Variants in LTBP1 observed in about 807,000 individuals in gnomAD.
LTBP1 encodes the protein latent transforming growth factor beta binding protein 1.
LTBP1 carries 129 observed loss-of-function variants against 207.6 expected under a neutral mutation model. That is an observed-to-expected ratio of 0.62 (90% CI 0.54 to 0.72). The LOEUF (loss-of-function observed/expected upper bound fraction) is 0.72, where lower values mean the gene tolerates loss of function less well. Ranked by LOEUF, LTBP1 falls within the 30% of genes least tolerant of loss-of-function variation. The probability of loss-of-function intolerance (pLI) is 0.00; values close to 1 mark genes in which losing one functional copy is unlikely to be tolerated. For missense variants in LTBP1, 2,281 were observed against 2,217.2 expected (o/e 1.03, Z -0.58); for synonymous variants, 963 against 833.7 (o/e 1.16, Z -2.67).
At chr2:33,014,880 C>T (rs1416095652) in intron 2 of LTBP1, among the ~76,000 whole-genome samples, 1 of 151,950 alleles carries the variant, frequency 6.6e-6, no homozygotes, top group African/African-American at 2.4e-5. Context: ...AACCTGGTAG[C>T]CAGGATGGTG....
At chr2:33,113,903 T>A (rs2080563112) in intron 4 of LTBP1, among the ~76,000 whole-genome samples, 1 of 152,206 alleles carries the variant, frequency 6.6e-6, no homozygotes, top group South Asian at 2.1e-4. Context: ...TGCAGTGGCA[T>A]GATCTCAGCT....
intron 2 of LTBP1, among the ~76,000 whole-genome samples, chr2:32,996,049 A>G (rs183258191): frequency 1.4e-4 from 22 of 152,316 alleles, no homozygotes; most frequent in African/African-American, 5.1e-4. Context: ...ACGTATCGAT[A>G]TAGTTACCAA....
At chr2:33,211,398 G>A (rs2090299891) in intron 7 of LTBP1, among the ~76,000 whole-genome samples, 1 of 152,202 alleles carries the variant, frequency 6.6e-6, no homozygotes, top group Non-Finnish European at 1.5e-5. Context: ...ACATCCTACA[G>A]CTGCCCTTTT....
At chr2:33,027,697 C>A (rs1453687288) in intron 3 of LTBP1, among the ~76,000 whole-genome samples, 1 of 151,976 alleles carries the variant, frequency 6.6e-6, no homozygotes, top group Non-Finnish European at 1.5e-5. Flanking sequence ...ATTAGCGGGG[C>A]GTGGTGGCAT....
intron 4 of LTBP1, among the ~76,000 whole-genome samples, chr2:33,126,974 A>G (rs373671265): frequency 4.6e-5 from 7 of 152,274 alleles, no homozygotes; most frequent in African/African-American, 1.7e-4. Context: ...CATTGAATCC[A>G]TGAAACTTGA....
intron 9 of LTBP1, among the ~76,000 whole-genome samples, chr2:33,238,829 A>T (rs1167607467): frequency 6.6e-6 from 1 of 152,230 alleles, no homozygotes; most frequent in African/African-American, 2.4e-5. Context: ...AAATGTAAAG[A>T]ATCCTGATGA....
chr2:33,090,018 C>G (rs1194983638), intron 3 of LTBP1, among the ~76,000 whole-genome samples: 1 of 152,174 alleles, frequency 6.6e-6, no homozygotes, highest in Admixed American at 6.5e-5. Context: ...GAAATGAAAC[C>G]TAGTTGATGT....
chr2:33,372,822 CCA>C (rs1217244956), intron 31 of LTBP1, among the ~76,000 whole-genome samples: 1 of 152,122 alleles, frequency 6.6e-6, no homozygotes, highest in Non-Finnish European at 1.5e-5. Flanking sequence ...GAAGATCGTG[CCA>C]CTGCACTCTA....
intron 24 of LTBP1, among the ~76,000 whole-genome samples, chr2:33,317,377 C>T (rs958784749): frequency 2.0e-5 from 3 of 152,256 alleles, no homozygotes; most frequent in South Asian, 2.1e-4. Context: ...TAGAACTCTC[C>T]GTAATTATTA....
At chr2:33,281,345 G>A (rs924976871) in intron 19 of LTBP1, among the ~76,000 whole-genome samples, 7 of 152,158 alleles carry the variant, frequency 4.6e-5, no homozygotes, top group Non-Finnish European at 8.8e-5. Flanking sequence ...TGGTGAGGGG[G>A]TGGGAGGGAG....
At chr2:33,127,580 A>G (rs1419579513) in intron 4 of LTBP1, among the ~76,000 whole-genome samples, 1 of 152,172 alleles carries the variant, frequency 6.6e-6, no homozygotes, top group Non-Finnish European at 1.5e-5. Context: ...TCCAGTCCTA[A>G]AAAGAGAATC....
chr2:33,375,405 C>T (rs905891962), intron 31 of LTBP1, among the ~76,000 whole-genome samples: 3 of 152,158 alleles, frequency 2.0e-5, no homozygotes, highest in Admixed American at 1.3e-4. Context: ...TGCACAGACC[C>T]GAATACCCCT....
chr2:33,098,701 A>G (rs2079537242), intron 3 of LTBP1, among the ~76,000 whole-genome samples: 1 of 152,146 alleles, frequency 6.6e-6, no homozygotes, highest in African/African-American at 2.4e-5. Context: ...GGCCTTCCAA[A>G]GTGCTGAGAT....
At chr2:33,302,165 G>A (rs2149016911) in intron 22 of LTBP1, among the ~76,000 whole-genome samples, 1 of 152,210 alleles carries the variant, frequency 6.6e-6, no homozygotes, top group East Asian at 1.9e-4. Context: ...TTGGGTGACT[G>A]AACCAGGCCT....
intron 9 of LTBP1, among the ~76,000 whole-genome samples, chr2:33,240,835 A>G (rs1006245631): frequency 1.3e-5 from 2 of 151,748 alleles, no homozygotes; most frequent in African/African-American, 4.8e-5. Context: ...TATTTTTAGT[A>G]GAGACGGGGT....
At chr2:33,163,870 A>G (rs529605159) in intron 5 of LTBP1, among the ~76,000 whole-genome samples, 1 of 152,308 alleles carries the variant, frequency 6.6e-6, no homozygotes, top group Non-Finnish European at 1.5e-5. Context: ...TAACTGGGTC[A>G]TAATTTTATG....
intron 3 of LTBP1, among the ~76,000 whole-genome samples, chr2:33,034,425 G>T (rs1367852327): frequency 6.6e-6 from 1 of 152,132 alleles, no homozygotes; most frequent in Non-Finnish European, 1.5e-5. Context: ...AAATTTTGTA[G>T]TGTGAATGTA....
intron 24 of LTBP1, among the ~76,000 whole-genome samples, chr2:33,329,301 T>G (rs1273041429): frequency 6.6e-6 from 1 of 152,222 alleles, no homozygotes; most frequent in Non-Finnish European, 1.5e-5. Flanking sequence ...CCTTTGGATA[T>G]TGTTTCTGTT....
At chr2:33,286,727 A>G (rs1302781618) in intron 19 of LTBP1, among the ~76,000 whole-genome samples, 2 of 145,128 alleles carry the variant, frequency 1.4e-5, no homozygotes, top group Non-Finnish European at 3.0e-5. Context: ...TGGCACGTAT[A>G]CACCATGGAA....
Sources: allele counts gnomAD v4.1 joint callset (sites outside exome capture counted in the v4.1 genomes callset), GRCh38; gene constraint gnomAD v4.1.1; transcripts MANE v1.5; gene names NCBI Gene and HGNC (gene_info 2026-07-23, HGNC 2026-07-21).